ERCC6L2: variants seen among roughly 807,000 people sequenced by gnomAD.
The protein encoded by ERCC6L2 is ERCC excision repair 6 like 2, also known as DNA excision repair protein ERCC-6-like 2.
In ERCC6L2, 77 loss-of-function variants were observed where a neutral mutation model predicts 132.0. The ratio of observed to expected loss-of-function variants is 0.58; its 90% CI spans 0.49 to 0.71. ERCC6L2 has a LOEUF of 0.71. ERCC6L2 is among the 30% of genes least tolerant of loss of function. The pLI, the probability that ERCC6L2 is intolerant of heterozygous loss-of-function variation, is 0.00. For missense variants in ERCC6L2, 1,542 were observed against 1,837.6 expected (o/e 0.84, Z 2.94); for synonymous variants, 583 against 632.4 (o/e 0.92, Z 1.17).
chr9:96,024,986 T>C (rs2133255380), intron 19 of ERCC6L2, among the ~76,000 whole-genome samples: 1 of 152,316 alleles, frequency 6.6e-6, no homozygotes, highest in Non-Finnish European at 1.5e-5. Flanking sequence ...AGAGTTGACC[T>C]CATAAATATT....
At chr9:95,968,592 G>T (rs1292429806) in intron 14 of ERCC6L2, 2 of 152,074 alleles carry the variant, frequency 1.3e-5, no homozygotes, top group Non-Finnish European at 2.9e-5. Context: ...TTTAAAGGTT[G>T]TATAAAATCT....
rs189605020 is a variant in ERCC6L2, at chr9:95,984,837, C to T, written c.3492+6622C>T. On this transcript the variant is annotated intron_variant, in intron 17 of 18. Transcript: ENST00000653738. ...TGAGAATTTTAAAGATGATTTATTC[C>T]ATGAACAACTTTCATAGTTTCTCTG... 3.3e-5 allele frequency among the ~76,000 whole-genome samples: 5 copies of T among 152,222 alleles called. No individual in the cohort carries two copies. In the East Asian group the frequency reaches 9.7e-4, roughly 29 times the overall value.
At chr9:95,967,217 C>G (rs976828538) in intron 14 of ERCC6L2, 6 of 152,116 alleles carry the variant, frequency 3.9e-5, no homozygotes, top group Non-Finnish European at 8.8e-5. Flanking sequence ...TCTTATTCCT[C>G]AAACAAAATA....
At chr9:95,895,135 T>C (rs1828384130) in intron 2 of ERCC6L2, among the ~76,000 whole-genome samples, 1 of 152,236 alleles carries the variant, frequency 6.6e-6, no homozygotes. Context: ...AAATTTAGAC[T>C]TCTTAAAATT....
At chr9:95,976,753 C>G (rs1057123931) in intron 16 of ERCC6L2, among the ~76,000 whole-genome samples, 1 of 152,142 alleles carries the variant, frequency 6.6e-6, no homozygotes, top group African/African-American at 2.4e-5. Context: ...TGTTACCACC[C>G]TCTGCCCAGA....
In ERCC6L2 at chr9:95,960,325, G is replaced by A. The variant is rs116703996; in HGVS notation, c.1947+4312G>A. 2.7e-4 allele frequency among the ~76,000 whole-genome samples: 41 copies of A among 152,204 alleles called. 1 individual carries two copies. The Middle Eastern group carries it at 0.014, about 51-fold the overall frequency. ...TAGGAAAATAAACACTTTGAAAAAG[G>A]CACTATAGCGGGCTGAATACTGGCC... On this transcript the variant is annotated intron_variant, in intron 13 of 18. Coordinates refer to ENST00000653738, the MANE Select transcript of ERCC6L2 (RefSeq NM_020207.7).
At chr9:96,021,370 G>A (rs1834285678), downstream of ERCC6L2, 1 of 317,230 alleles carries the variant, frequency 3.2e-6, no homozygotes. The surrounding 1 kb of genome is among the most constrained non-coding windows in gnomAD (Gnocchi z 4.7). Flanking sequence ...GCACACCTCG[G>A]GGAAGCCCAG....
At chr9:95,980,016 A>T (rs1480907207) in intron 17 of ERCC6L2, among the ~76,000 whole-genome samples, 3 of 152,218 alleles carry the variant, frequency 2.0e-5, no homozygotes, top group Non-Finnish European at 2.9e-5. Context: ...TATACTGGTC[A>T]TTAGCTTATC....
chr9:95,938,470 C>G (rs1453368181), intron 11 of ERCC6L2, among the ~76,000 whole-genome samples: 2 of 152,044 alleles, frequency 1.3e-5, no homozygotes, highest in African/African-American at 4.8e-5. Flanking sequence ...GTGCATTTGC[C>G]TGTTTCTCTT....
chr9:95,893,335 T>A (rs1828267568), intron 2 of ERCC6L2, among the ~76,000 whole-genome samples: 2 of 152,168 alleles, frequency 1.3e-5, no homozygotes, highest in South Asian at 4.1e-4. Flanking sequence ...CTTTTTTAAA[T>A]TTCTGTGTTC....
intron 19 of ERCC6L2, among the ~76,000 whole-genome samples, chr9:96,032,931 A>C (rs1013337277): frequency 6.6e-6 from 1 of 152,194 alleles, no homozygotes; most frequent in Non-Finnish European, 1.5e-5. Flanking sequence ...GAACCCCCAC[A>C]GAGGCATGGC....
chr9:95,947,611 A>G (rs1238807735), intron 12 of ERCC6L2, among the ~76,000 whole-genome samples: 1 of 152,226 alleles, frequency 6.6e-6, no homozygotes, highest in Non-Finnish European at 1.5e-5. Flanking sequence ...AGAAGATGTC[A>G]TTGAGGACTG....
intron 2 of ERCC6L2, among the ~76,000 whole-genome samples, chr9:95,885,370 C>T (rs1183564762): frequency 6.6e-6 from 1 of 152,210 alleles, no homozygotes; most frequent in Non-Finnish European, 1.5e-5. Context: ...ATGTCTATCA[C>T]TCCTAGATTT....
At chr9:96,011,474 C>T (rs2133222187) in intron 18 of ERCC6L2, among the ~76,000 whole-genome samples, 1 of 152,282 alleles carries the variant, frequency 6.6e-6, no homozygotes, top group African/African-American at 2.4e-5. Flanking sequence ...TCCATGGCAC[C>T]CTCATTTAGG....
chr9:95,878,897 A>G (rs1379405300), intron 1 of ERCC6L2, among the ~76,000 whole-genome samples: 1 of 151,934 alleles, frequency 6.6e-6, no homozygotes, highest in Non-Finnish European at 1.5e-5. Context: ...TTCTTAATCC[A>G]GTCTATCATT....
chr9:95,961,215 G>A (rs1831885477), intron 13 of ERCC6L2, among the ~76,000 whole-genome samples: 1 of 152,206 alleles, frequency 6.6e-6, no homozygotes, highest in African/African-American at 2.4e-5. Context: ...GTTAAGATGC[G>A]ATCACACTGG....
chr9:95,980,758 G>A (rs1832858506), intron 17 of ERCC6L2, among the ~76,000 whole-genome samples: 1 of 152,060 alleles, frequency 6.6e-6, no homozygotes, highest in Non-Finnish European at 1.5e-5. Flanking sequence ...GAGAAGAAAA[G>A]AGAATAAACA....
At chr9:95,884,173 G>A (rs777916871) in intron 2 of ERCC6L2, among the ~76,000 whole-genome samples, 17 of 152,126 alleles carry the variant, frequency 1.1e-4, no homozygotes, top group Non-Finnish European at 2.2e-4. Context: ...AGGGAGTACC[G>A]TCTGAAGATT....
chr9:96,023,885 AG>A (rs1190916860), intron 19 of ERCC6L2, among the ~76,000 whole-genome samples: 5 of 152,250 alleles, frequency 3.3e-5, no homozygotes, highest in Non-Finnish European at 5.9e-5. Flanking sequence ...TGCAGTAACC[AG>A]GGGCTCAGAA....
Sources: allele counts gnomAD v4.1 joint callset (sites outside exome capture counted in the v4.1 genomes callset), GRCh38; gene constraint gnomAD v4.1.1; non-coding constraint Gnocchi (gnomAD v3.1); transcripts MANE v1.5; gene names NCBI Gene and HGNC (gene_info 2026-07-23, HGNC 2026-07-21).